EXOC2: variants seen among roughly 807,000 people sequenced by gnomAD.
EXOC2 encodes the protein exocyst complex component 2, also known as SEC5-like 1.
Under a neutral mutation model 131.8 loss-of-function variants are expected in EXOC2, and 70 were observed. That is an observed-to-expected ratio of 0.53 (90% CI 0.44 to 0.65). The LOEUF is 0.65. Among genes scored for constraint, EXOC2 ranks in the 30% least tolerant of loss-of-function variants. The probability of loss-of-function intolerance (pLI) is 0.00; values close to 1 mark genes in which losing one functional copy is unlikely to be tolerated. For synonymous variants in EXOC2, 411 were observed against 398.4 expected, an observed-to-expected ratio of 1.03 and a Z score of -0.38; for missense variants, 923 against 1,108.6, an observed-to-expected ratio of 0.83 and a Z score of 2.38.
At chr6:494,331 C>G (rs774129270) in intron 25 of EXOC2, among the ~76,000 whole-genome samples, 2 of 152,220 alleles carry the variant, frequency 1.3e-5, no homozygotes, top group Non-Finnish European at 2.9e-5. Flanking sequence ...CACAGGCTCT[C>G]CCAGTAACAC....
Position 651,175 on chromosome 6 carries a change from C to T in EXOC2, c.-43-13314G>A, listed in dbSNP as rs749468815. On this transcript the variant is annotated intron_variant, in intron 1 of 27. Coordinates refer to ENST00000230449, the MANE Select transcript of EXOC2 (RefSeq NM_018303.6). ...CCTCCCAAATAGCTGAGACTACAGG[C>T]GCCCGCCACCATGCCCAGCTAATTT... 8.6e-5 allele frequency among the ~76,000 whole-genome samples: 13 copies of T among 151,996 alleles called. No individual in the cohort carries two copies. In the South Asian group the frequency reaches 2.1e-3, roughly 24 times the overall value.
At chr6:687,341 C>T (rs1317236208) in intron 1 of EXOC2, among the ~76,000 whole-genome samples, 2 of 151,734 alleles carry the variant, frequency 1.3e-5, no homozygotes, top group African/African-American at 4.8e-5. Context: ...CCACCACACT[C>T]GGCTAACTTT....
At chr6:579,880 A>AT (rs903715861) in intron 11 of EXOC2, among the ~76,000 whole-genome samples, 3 of 152,200 alleles carry the variant, frequency 2.0e-5, no homozygotes, top group African/African-American at 7.2e-5. Flanking sequence ...AAGCATTTCT[A>AT]TAAAAAAAAG....
chr6:509,394 A>G (rs796265135), intron 23 of EXOC2, among the ~76,000 whole-genome samples: 26 of 152,322 alleles, frequency 1.7e-4, no homozygotes, highest in African/African-American at 5.8e-4. Flanking sequence ...CTATCATGCA[A>G]AAGGCCACAC....
chr6:606,759 C>T (rs760623874), intron 7 of EXOC2, among the ~76,000 whole-genome samples: 2 of 152,238 alleles, frequency 1.3e-5, no homozygotes, highest in Non-Finnish European at 2.9e-5. Flanking sequence ...CACTGAGTTA[C>T]TCTTGAGTCT....
intron 22 of EXOC2, among the ~76,000 whole-genome samples, chr6:542,430 C>T (rs1014054606): frequency 4.6e-5 from 7 of 152,102 alleles, no homozygotes; most frequent in Admixed American, 6.5e-5. Context: ...CCTTGCACTT[C>T]GGGAATGGAG....
chr6:544,396 A>G (rs748038421), intron 22 of EXOC2, among the ~76,000 whole-genome samples: 9 of 152,212 alleles, frequency 5.9e-5, no homozygotes, highest in Non-Finnish European at 1.2e-4. Flanking sequence ...AACTCAAGGC[A>G]GCCAAATAGG....
At chr6:692,558 CA>C (rs1282369461) in intron 1 of EXOC2, among the ~76,000 whole-genome samples, 4 of 152,278 alleles carry the variant, frequency 2.6e-5, no homozygotes, top group Non-Finnish European at 4.4e-5. Context: ...ACAACAGCGG[CA>C]GGCGCCTTTT....
At position 632,969 on chromosome 6, in the gene EXOC2, A is replaced by G; in HGVS notation, c.267T>C (p.Ser89=). The change falls in exon 3 of 28, where the codon TCT becomes TCC. Residue 89 remains serine (S), a synonymous_variant. Transcript: ENST00000230449. ...KSGGRGTSTV[S]FKLLKPEKIG... ...TTTTCTCAGGTTTGAGTAGCTTGAA[A>G]GAGACTGTTGAGGTTCCTCTGCCAC... The G allele has an allele frequency of 6.2e-7, 1 of 1,613,920 alleles. No homozygotes were observed. Among genetic ancestry groups the G allele is most frequent in the Non-Finnish European group, 8.5e-7 (1 of 1,179,940 alleles).
intron 22 of EXOC2, among the ~76,000 whole-genome samples, chr6:545,703 T>C (rs1756812753): frequency 1.3e-5 from 2 of 152,198 alleles, no homozygotes; most frequent in South Asian, 4.1e-4. Context: ...CAAGTACCTC[T>C]GGGGCTGTGA....
chr6:528,682 A>C (rs1765890883), intron 23 of EXOC2, among the ~76,000 whole-genome samples: 1 of 152,178 alleles, frequency 6.6e-6, no homozygotes, highest in South Asian at 2.1e-4. Flanking sequence ...GCTATGTTAA[A>C]AAAAAAAGCC....
rs1020437560 is a variant in EXOC2 at position 485,615 on chromosome 6, T to G, written c.*1056A>C. 6.6e-6 allele frequency: 1 copy of G among 152,244 alleles called. No homozygotes were observed. Among genetic ancestry groups the G allele is most frequent in the Non-Finnish European group, 1.5e-5 (1 of 68,046 alleles). The allele number at this position is 152,244 out of a possible 1,614,324, so 9.4% of individuals were successfully genotyped here. A position where few individuals can be genotyped will look rare whatever the true frequency, so the allele number is the denominator to read the frequency against. ...GACTCTGAGAGAAGTCCCGGTGACCTGAACCTATTCCAGTGAAGCCAGTCA... is the reference window on the plus strand; with the variant it reads ...GACTCTGAGAGAAGTCCCGGTGACCGGAACCTATTCCAGTGAAGCCAGTCA... On this transcript the variant is annotated 3_prime_UTR_variant, in exon 28 of 28. Transcript: ENST00000230449.
intron 27 of EXOC2, among the ~76,000 whole-genome samples, chr6:488,157 C>A (rs1487950979): frequency 6.6e-6 from 1 of 152,168 alleles, no homozygotes; most frequent in African/African-American, 2.4e-5. Context: ...GGTGGAAGGG[C>A]TGGTCTGCTG....
intron 4 of EXOC2, among the ~76,000 whole-genome samples, chr6:620,748 C>T (rs1761246843): frequency 6.6e-6 from 1 of 152,082 alleles, no homozygotes; most frequent in African/African-American, 2.4e-5. Context: ...TTTTTCTTCC[C>T]TCTTCCCAGC....
chr6:584,483 A>G (rs1150827), intron 11 of EXOC2, among the ~76,000 whole-genome samples: 26,611 of 152,166 alleles, frequency 0.17, 2,468 homozygotes, highest in South Asian at 0.23. Flanking sequence ...TTGGAGTAAC[A>G]TAAATGTTTT....
At chr6:621,523 T>C (rs1239925256) in intron 4 of EXOC2, among the ~76,000 whole-genome samples, 1 of 152,202 alleles carries the variant, frequency 6.6e-6, no homozygotes, top group East Asian at 1.9e-4. Flanking sequence ...GGGCGTCCCA[T>C]TCACATTCGG....
chr6:680,877 T>C (rs377252407), intron 1 of EXOC2, among the ~76,000 whole-genome samples: 1 of 152,322 alleles, frequency 6.6e-6, no homozygotes, highest in African/African-American at 2.4e-5. Flanking sequence ...CTCTAGTGTC[T>C]AGTCCAGTGC....
intron 10 of EXOC2, 82 bp downstream of exon 10, chr6:597,939 C>A: frequency 1.0e-6 from 1 of 971,968 alleles, no homozygotes; most frequent in Admixed American, 2.4e-5. Context: ...TAAAGTCCCT[C>A]AAGTTAGCCT....
At chr6:628,301 A>C (rs1313403192) in intron 4 of EXOC2, among the ~76,000 whole-genome samples, 2 of 152,250 alleles carry the variant, frequency 1.3e-5, no homozygotes, top group Non-Finnish European at 2.9e-5. Flanking sequence ...AGAACATTTT[A>C]AGAAAGCTAA....
Sources: gnomAD v4.1 joint callset for allele counts (sites outside exome capture counted in the v4.1 genomes callset) on GRCh38, gnomAD v4.1.1 for gene constraint, MANE v1.5 for transcripts, NCBI Gene and HGNC (gene_info 2026-07-23, HGNC 2026-07-21) for gene names.